The following CPNE4 variants were observed in gnomAD, a reference collection of about 807,000 sequenced individuals.
CPNE4 encodes the protein copine-4.
In CPNE4, 25 loss-of-function variants were observed where a neutral mutation model predicts 67.9. The ratio of observed to expected loss-of-function variants is 0.37; its 90% CI spans 0.27 to 0.51. The LOEUF is 0.51. Ranked by LOEUF, CPNE4 falls within the 20% of genes least tolerant of loss-of-function variation. The probability of loss-of-function intolerance (pLI) is 0.93; values close to 1 mark genes in which losing one functional copy is unlikely to be tolerated. For synonymous variants in CPNE4, 242 were observed against 244.9 expected (o/e 0.99, Z 0.11); for missense variants, 464 against 690.8 (o/e 0.67, Z 3.68).
intron 1 of CPNE4, among the ~76,000 whole-genome samples, chr3:132,028,790 A>C (rs2107699827): frequency 6.6e-6 from 1 of 151,984 alleles, no homozygotes; most frequent in South Asian, 2.1e-4. Flanking sequence ...AATGTGCTGT[A>C]AGTATAAAAA....
At chr3:132,014,063 C>T (rs1355984081) in intron 1 of CPNE4, among the ~76,000 whole-genome samples, 1 of 152,186 alleles carries the variant, frequency 6.6e-6, no homozygotes, top group African/African-American at 2.4e-5. Context: ...TCCTCCTGCT[C>T]CACTCTCCCA....
At chr3:131,560,373 T>C (rs949270020) in intron 11 of CPNE4, among the ~76,000 whole-genome samples, 7 of 152,004 alleles carry the variant, frequency 4.6e-5, no homozygotes, top group Non-Finnish European at 7.4e-5. Flanking sequence ...TCTGTCCTCA[T>C]AGAAGGCTTG....
chr3:131,960,184 C>T (rs763151008), intron 1 of CPNE4, among the ~76,000 whole-genome samples: 5 of 151,170 alleles, frequency 3.3e-5, no homozygotes, highest in Non-Finnish European at 5.9e-5. Flanking sequence ...GATTTATAAT[C>T]ATATTACTTC....
In CPNE4 at chr3:132,034,634, G is replaced by A. The variant is rs2074307970; in HGVS notation, c.-69C>T. On this transcript the variant is annotated 5_prime_UTR_variant, in exon 1 of 16. Coordinates refer to ENST00000429747, the MANE Select transcript of CPNE4 (RefSeq NM_130808.3). ...GGGACGAGGTCTGTCCCGCCCCCAG[G>A]ATGCAAAATCCGGCTTTGAAGTGGA... 1 of 985,346 alleles carries A rather than the reference G, an allele frequency of 1.0e-6. No individual in the cohort carries two copies. Among genetic ancestry groups the A allele is most frequent in the Non-Finnish European group, 1.2e-6 (1 of 830,032 alleles). 61.0% of individuals were successfully genotyped at this position (985,346 alleles called of 1,614,324 possible).
At chr3:131,717,931 TTTC>T (rs1158986895) in intron 3 of CPNE4, among the ~76,000 whole-genome samples, 20 of 126,924 alleles carry the variant, frequency 1.6e-4, no homozygotes, top group South Asian at 2.5e-4. Flanking sequence ...TCTTTCTTTC[TTTC>T]TTTCTTTCTT....
chr3:131,911,361 C>T (rs2088968625), intron 1 of CPNE4, among the ~76,000 whole-genome samples: 1 of 152,246 alleles, frequency 6.6e-6, no homozygotes, highest in South Asian at 2.1e-4. Flanking sequence ...CTGACTGACA[C>T]CTCGATTGCA....
At chr3:131,987,813 G>C (rs1389212299) in intron 1 of CPNE4, among the ~76,000 whole-genome samples, 5 of 152,180 alleles carry the variant, frequency 3.3e-5, no homozygotes, top group Non-Finnish European at 5.9e-5. Flanking sequence ...CAATTCTGAT[G>C]CTCGATAGCA....
At chr3:131,793,439 G>A (rs1377358554) in intron 2 of CPNE4, among the ~76,000 whole-genome samples, 1 of 152,008 alleles carries the variant, frequency 6.6e-6, no homozygotes, top group African/African-American at 2.4e-5. Flanking sequence ...GAATTACTGG[G>A]AGAACCTAAA....
intron 2 of CPNE4, among the ~76,000 whole-genome samples, chr3:131,741,271 G>A (rs1019257005): frequency 2.6e-5 from 4 of 152,124 alleles, no homozygotes; most frequent in African/African-American, 7.2e-5. Context: ...AGCAAATGCA[G>A]GGTTAGTCAG....
chr3:131,535,189 G>A lies in CPNE4; in HGVS notation c.*6C>T. On this transcript the variant is annotated 3_prime_UTR_variant, in exon 16 of 16. Transcript: ENST00000429747. ...TTTCAGAACTCTGTAAAACTGTGTG[G>A]GGAGTTCATGGTGCTAGTGTTCTGG... The A allele has an allele frequency of 6.2e-7, 1 of 1,605,430 alleles. No individual in the cohort carries two copies.
chr3:131,765,301 G>A (rs1205813672), intron 2 of CPNE4, among the ~76,000 whole-genome samples: 1 of 152,052 alleles, frequency 6.6e-6, no homozygotes, highest in African/African-American at 2.4e-5. Context: ...AACTTACTGG[G>A]AACAACCAGA....
chr3:131,664,107 A>G (rs1029786785), intron 7 of CPNE4, among the ~76,000 whole-genome samples: 3 of 152,158 alleles, frequency 2.0e-5, no homozygotes, highest in Non-Finnish European at 4.4e-5. Flanking sequence ...AAATTAGAGA[A>G]AGAGATAGAA....
intron 2 of CPNE4, among the ~76,000 whole-genome samples, chr3:131,831,920 G>A (rs1042202002): frequency 1.3e-5 from 2 of 152,144 alleles, no homozygotes; most frequent in Non-Finnish European, 1.5e-5. Flanking sequence ...TTGCTGATAT[G>A]AGATATGACA....
At chr3:131,587,653 CT>C in intron 7 of CPNE4, 71 bp from the exon 8 acceptor site, 1 of 1,107,728 alleles carries the variant, frequency 9.0e-7, no homozygotes, top group Non-Finnish European at 1.4e-6. Context: ...GCAATGTTAA[CT>C]TTAGGAGAAA....
At chr3:131,877,692 A>T (rs1217388943) in intron 2 of CPNE4, among the ~76,000 whole-genome samples, 1 of 152,228 alleles carries the variant, frequency 6.6e-6, no homozygotes, top group Non-Finnish European at 1.5e-5. Flanking sequence ...GCTGAGAATT[A>T]ATAGGCCACT....
chr3:131,786,555 T>G (rs1218092530), intron 2 of CPNE4, among the ~76,000 whole-genome samples: 1 of 152,170 alleles, frequency 6.6e-6, no homozygotes, highest in Non-Finnish European at 1.5e-5. Context: ...TATGTCTATT[T>G]CTGAGAAGCA....
intron 2 of CPNE4, among the ~76,000 whole-genome samples, chr3:131,797,378 G>A (rs888826049): frequency 4.6e-5 from 7 of 152,112 alleles, no homozygotes; most frequent in African/African-American, 1.7e-4. Context: ...CCATCATGGT[G>A]ACTGGTTTAC....
intron 14 of CPNE4, 30 bp from the exon 15 acceptor site, chr3:131,542,823 G>C (rs772827686): frequency 1.2e-5 from 18 of 1,467,976 alleles, no homozygotes; most frequent in Admixed American, 1.7e-5. Context: ...GATGATGGGG[G>C]GGGGTGAAGA....
chr3:131,619,607 A>C (rs1448132726), intron 7 of CPNE4, among the ~76,000 whole-genome samples: 1 of 152,198 alleles, frequency 6.6e-6, no homozygotes, highest in South Asian at 2.1e-4. Context: ...ATTGGCTTGA[A>C]AAATGTTTGT....
Sources: gnomAD v4.1 joint callset for allele counts (sites outside exome capture counted in the v4.1 genomes callset) on GRCh38, gnomAD v4.1.1 for gene constraint, MANE v1.5 for transcripts, NCBI Gene and HGNC (gene_info 2026-07-23, HGNC 2026-07-21) for gene names.